CFAP299: variants seen among roughly 807,000 people sequenced by gnomAD.
CFAP299 encodes cilia- and flagella-associated protein 299.
A neutral mutation model predicts 27.0 loss-of-function variants in CFAP299; 21 were observed. That is an observed-to-expected ratio of 0.78 (90% confidence interval 0.55 to 1.12). CFAP299 has a LOEUF of 1.12. Among genes scored for constraint, CFAP299 ranks in the 50% most tolerant of loss-of-function variants. The pLI is 0.00. For missense variants in CFAP299, 310 were observed against 276.6 expected (o/e 1.12, Z -0.86); for synonymous variants, 104 against 98.1 (o/e 1.06, Z -0.36).
rs113515687 is a variant in CFAP299 at position 80,382,942 on chromosome 4, A to G, written c.242+20058A>G. Reference sequence around the variant, plus strand: ...TATAGAATCAACTTAAATGCCCATCAATGACAGACTGGATAAAGAAAATGT... The same window carrying G: ...TATAGAATCAACTTAAATGCCCATCGATGACAGACTGGATAAAGAAAATGT... On this transcript the variant is annotated intron_variant, in intron 2 of 5. Transcript: ENST00000358105. 3.0e-3 allele frequency among the ~76,000 whole-genome samples: 450 copies of G among 152,316 alleles called. 4 individuals are homozygous for G. Among genetic ancestry groups the G allele is most frequent in the Non-Finnish European group, 5.4e-3 (370 of 68,028 alleles).
intron 4 of CFAP299, among the ~76,000 whole-genome samples, chr4:80,929,272 C>T (rs1403211812): frequency 6.6e-6 from 1 of 151,700 alleles, no homozygotes; most frequent in Non-Finnish European, 1.5e-5. Flanking sequence ...ACTACTCATC[C>T]GGTCTCTGGC....
chr4:80,490,086 G>A (rs1203698931), intron 2 of CFAP299, among the ~76,000 whole-genome samples: 2 of 152,130 alleles, frequency 1.3e-5, no homozygotes, highest in East Asian at 3.8e-4. Context: ...TAAGTGACCA[G>A]CCAGCTGCTT....
chr4:80,328,853 T>C, the CFAP299 span, among the ~76,000 whole-genome samples: 2 of 152,176 alleles, frequency 1.3e-5, no homozygotes, highest in African/African-American at 2.4e-5. Context: ...CATCCAGTCC[T>C]AACTCATTGT....
At chr4:80,780,632 T>C (rs1194095460) in intron 3 of CFAP299, among the ~76,000 whole-genome samples, 1 of 152,050 alleles carries the variant, frequency 6.6e-6, no homozygotes, top group Non-Finnish European at 1.5e-5. Context: ...TTATATCTAC[T>C]GCTTTAAATG....
chr4:80,500,818 A>G (rs916632974), intron 2 of CFAP299, among the ~76,000 whole-genome samples: 1 of 152,058 alleles, frequency 6.6e-6, no homozygotes, highest in African/African-American at 2.4e-5. Context: ...AGGTTCTAAA[A>G]TGTTAACCAC....
chr4:80,353,296 T>A (rs1723102239), intron 1 of CFAP299, among the ~76,000 whole-genome samples: 1 of 152,142 alleles, frequency 6.6e-6, no homozygotes, highest in Non-Finnish European at 1.5e-5. Context: ...GAAAGGACCA[T>A]CCAACTCCAG....
chr4:80,362,230 C>G (rs1412994848), intron 1 of CFAP299, among the ~76,000 whole-genome samples: 2 of 150,490 alleles, frequency 1.3e-5, no homozygotes, highest in African/African-American at 4.9e-5. Context: ...GTAAGAAATT[C>G]ATCTGCTCCT....
intron 3 of CFAP299, among the ~76,000 whole-genome samples, chr4:80,733,313 T>C (rs1668873042): frequency 6.6e-6 from 1 of 152,072 alleles, no homozygotes; most frequent in Non-Finnish European, 1.5e-5. Context: ...ATAGCATTCT[T>C]TGTAATTTTT....
At chr4:80,738,882 GT>G (rs1169249774) in intron 3 of CFAP299, among the ~76,000 whole-genome samples, 1 of 151,466 alleles carries the variant, frequency 6.6e-6, no homozygotes, top group Non-Finnish European at 1.5e-5. Context: ...TAATTTCTTA[GT>G]TTTTTAATTT....
intron 3 of CFAP299, among the ~76,000 whole-genome samples, chr4:80,688,913 C>T (rs375461622): frequency 4.2e-4 from 64 of 151,752 alleles, no homozygotes; most frequent in African/African-American, 1.5e-3. Flanking sequence ...CCTCAGGAGC[C>T]GATGCGATCA....
chr4:80,555,719 G>T (rs1351105308), intron 2 of CFAP299, among the ~76,000 whole-genome samples: 2 of 152,024 alleles, frequency 1.3e-5, no homozygotes, highest in African/African-American at 4.8e-5. Context: ...TCCTTGTTCA[G>T]TCTTGGGAGG....
At chr4:80,596,130 A>C (rs1420694497) in intron 3 of CFAP299, among the ~76,000 whole-genome samples, 2 of 152,188 alleles carry the variant, frequency 1.3e-5, no homozygotes, top group Non-Finnish European at 2.9e-5. Flanking sequence ...GAAAGCAGAG[A>C]GGGACAGATA....
At chr4:80,696,165 G>T (rs1268327716) in intron 3 of CFAP299, among the ~76,000 whole-genome samples, 1 of 151,870 alleles carries the variant, frequency 6.6e-6, no homozygotes, top group African/African-American at 2.4e-5. Flanking sequence ...GCCTGGCATG[G>T]TGGCACGCAC....
intron 2 of CFAP299, among the ~76,000 whole-genome samples, chr4:80,509,174 G>A (rs1237951431): frequency 2.0e-5 from 3 of 152,096 alleles, no homozygotes; most frequent in Admixed American, 2.0e-4. Flanking sequence ...GTTAAATACA[G>A]AATTTGAACA....
chr4:80,763,744 G>T (rs1192082993), intron 3 of CFAP299, among the ~76,000 whole-genome samples: 1 of 152,068 alleles, frequency 6.6e-6, no homozygotes, highest in Non-Finnish European at 1.5e-5. Context: ...CATGGTACTG[G>T]TACCAAAACA....
At chr4:80,647,230 G>A (rs193236638) in intron 3 of CFAP299, among the ~76,000 whole-genome samples, 5 of 152,038 alleles carry the variant, frequency 3.3e-5, no homozygotes, top group African/African-American at 1.2e-4. Context: ...ACATGTTTTG[G>A]GAGTCAAGAA....
At chr4:80,904,716 T>G (rs933865341) in intron 4 of CFAP299, among the ~76,000 whole-genome samples, 2 of 152,168 alleles carry the variant, frequency 1.3e-5, no homozygotes, top group Admixed American at 6.5e-5. Context: ...TGGTTCAGCC[T>G]AGCTTTGAAG....
chr4:80,541,892 T>C (rs1054054109), intron 2 of CFAP299, among the ~76,000 whole-genome samples: 2 of 152,076 alleles, frequency 1.3e-5, no homozygotes, highest in Admixed American at 6.5e-5. Context: ...TAGGCCATTA[T>C]TGAGCCGTTA....
At chr4:80,652,862 C>T (rs1400938974) in intron 3 of CFAP299, among the ~76,000 whole-genome samples, 3 of 152,090 alleles carry the variant, frequency 2.0e-5, no homozygotes, top group Non-Finnish European at 4.4e-5. Context: ...TTCTCAAATC[C>T]GACTCGCCTC....
Sources: allele counts gnomAD v4.1 joint callset (sites outside exome capture counted in the v4.1 genomes callset), GRCh38; gene constraint gnomAD v4.1.1; transcripts MANE v1.5; gene names NCBI Gene and HGNC (gene_info 2026-07-23, HGNC 2026-07-21).